SGCE: variants seen among roughly 807,000 people sequenced by gnomAD.
SGCE encodes sarcoglycan epsilon, also known as epsilon-sarcoglycan.
Under a neutral mutation model 57.8 loss-of-function variants are expected in SGCE, and 26 were observed. That is an observed-to-expected ratio of 0.45 (90% CI 0.33 to 0.62). The LOEUF is 0.62. SGCE is among the 20% of genes least tolerant of loss of function. The pLI is 0.02. For missense variants in SGCE, 468 were observed against 548.6 expected, an observed-to-expected ratio of 0.85 and a Z score of 1.47; for synonymous variants, 183 against 189.5, an observed-to-expected ratio of 0.97 and a Z score of 0.28.
chr7:94,628,037 T>C (rs1804012520), intron 3 of SGCE, 165 bp downstream of exon 3: 1 of 575,476 alleles, frequency 1.7e-6, no homozygotes, highest in Admixed American at 2.9e-5. Context: ...CAGAGAAGAA[T>C]GGCACATTTC....
At chr7:94,623,691 A>C in intron 3 of SGCE, 1 of 431,262 alleles carries the variant, frequency 2.3e-6, no homozygotes, top group Admixed American at 4.1e-5. Flanking sequence ...TCATTAGTAA[A>C]TGGATTAACC....
chr7:94,603,489 A>G, intron 5 of SGCE, 37 bp from the exon 6 acceptor site: 4 of 1,597,586 alleles, frequency 2.5e-6, no homozygotes, highest in Non-Finnish European at 3.4e-6. Flanking sequence ...ATCCTTTAAG[A>G]AAATTGAAAA....
chr7:94,585,606 G>C lies in SGCE; in HGVS notation c.1298-91C>G, dbSNP rs1796786390. On this transcript the variant is annotated intron_variant, in intron 10 of 10. Coordinates refer to ENST00000648936, the MANE Select transcript of SGCE (RefSeq NM_003919.3). Reference sequence around the variant, plus strand: ...CAAAGCAAATTATGGCAAGGAGAAAGTTTCCATCTTCTTAATACAATGTAA... The same window carrying C: ...CAAAGCAAATTATGGCAAGGAGAAACTTTCCATCTTCTTAATACAATGTAA... The C allele has an allele frequency of 3.6e-6, 3 of 837,390 alleles. No individual in the cohort carries two copies. In the East Asian group the frequency reaches 7.3e-5, roughly 20 times the overall value. The allele number at this position is 837,390 out of a possible 1,614,324, so 51.9% of individuals were successfully genotyped here.
At chr7:94,647,240 T>C (rs1433254405) in intron 1 of SGCE, among the ~76,000 whole-genome samples, 1 of 152,198 alleles carries the variant, frequency 6.6e-6, no homozygotes, top group African/African-American at 2.4e-5. Flanking sequence ...CTTCATCCTG[T>C]GTGTGGCACC....
chr7:94,625,279 A>G (rs1803513600), intron 3 of SGCE: 1 of 152,066 alleles, frequency 6.6e-6, no homozygotes, highest in African/African-American at 2.4e-5. Context: ...TTAAAATACT[A>G]TACCTGTTAC....
At chr7:94,647,775 C>T (rs1336307360) in intron 1 of SGCE, among the ~76,000 whole-genome samples, 1 of 152,122 alleles carries the variant, frequency 6.6e-6, no homozygotes, top group Non-Finnish European at 1.5e-5. Context: ...TCATATATAC[C>T]GTCCCTCCTT....
intron 1 of SGCE, among the ~76,000 whole-genome samples, chr7:94,647,052 G>A (rs1411997668): frequency 1.3e-5 from 2 of 152,102 alleles, no homozygotes; most frequent in East Asian, 3.9e-4. Flanking sequence ...TGCATAATAT[G>A]ATCACATTTT....
Position 94,600,630 on chromosome 7 carries a change from GT to G in SGCE, c.1037+15del, listed in dbSNP as rs751531508. ...AGCAGGATCTCTAATTATCTTATTA[GT>G]TTTAAAGTACTCACACGCCTTCCCG... On this transcript the variant is annotated intron_variant, in intron 7 of 10. Coordinates refer to ENST00000648936, the MANE Select transcript of SGCE (RefSeq NM_003919.3). 1.3e-5 allele frequency: 21 copies of G among 1,580,924 alleles called. No homozygotes were observed. The highest frequency in any genetic ancestry group is 8.7e-7 in the Non-Finnish European group (1 of 1,150,846).
chr7:94,655,868 C>G, intron 1 of SGCE, 122 bp downstream of exon 1: 1 of 687,664 alleles, frequency 1.5e-6, no homozygotes, highest in African/African-American at 1.8e-5. Context: ...ACGGTGGGGT[C>G]CGGGACAGAA....
chr7:94,606,884 T>C (rs1324067100), intron 5 of SGCE, among the ~76,000 whole-genome samples: 2 of 152,150 alleles, frequency 1.3e-5, no homozygotes, highest in African/African-American at 4.8e-5. Flanking sequence ...AGGAGAAATC[T>C]TGGATGAAAC....
chr7:94,618,258 A>T (rs767429114), intron 5 of SGCE: 18 of 157,238 alleles, frequency 1.1e-4, no homozygotes, highest in Non-Finnish European at 2.1e-4. Context: ...GGGTTTGCCC[A>T]GTGTCACCCA....
chr7:94,588,788 A>G, intron 9 of SGCE, 56 bp from the exon 10 acceptor site: 2 of 1,609,496 alleles, frequency 1.2e-6, no homozygotes, highest in Non-Finnish European at 1.7e-6. Flanking sequence ...TTGTAAACAG[A>G]GAGCAGACAT....
chr7:94,650,258 C>A (rs1055030428), intron 1 of SGCE, among the ~76,000 whole-genome samples: 2 of 152,158 alleles, frequency 1.3e-5, no homozygotes, highest in African/African-American at 4.8e-5. Context: ...GGGGAGGTTG[C>A]AGAAGGGACC....
chr7:94,648,612 C>T (rs949171467), intron 1 of SGCE, among the ~76,000 whole-genome samples: 3 of 152,034 alleles, frequency 2.0e-5, no homozygotes, highest in Non-Finnish European at 2.9e-5. Flanking sequence ...GTTTCTACTT[C>T]GGCAGTACTG....
At chr7:94,634,661 A>G (rs1805309335) in intron 1 of SGCE, among the ~76,000 whole-genome samples, 1 of 152,180 alleles carries the variant, frequency 6.6e-6, no homozygotes, top group Admixed American at 6.5e-5. Flanking sequence ...GGGCTCTGCT[A>G]GATGTAAAAG....
At chr7:94,639,125 T>C (rs1806018757) in intron 1 of SGCE, among the ~76,000 whole-genome samples, 1 of 152,140 alleles carries the variant, frequency 6.6e-6, no homozygotes, top group East Asian at 1.9e-4. Flanking sequence ...AGGGCAAAGC[T>C]ACAGCCAAGG....
chr7:94,600,587 C>T, intron 7 of SGCE, 59 bp downstream of exon 7: 1 of 1,299,124 alleles, frequency 7.7e-7, no homozygotes, highest in Non-Finnish European at 1.1e-6. Flanking sequence ...TTAATGGAAT[C>T]TTCTATGTTG....
chr7:94,621,765 G>A lies in SGCE; in HGVS notation c.463+1560C>T, dbSNP rs547583827. On this transcript the variant is annotated intron_variant, in intron 4 of 10. Transcript: ENST00000648936. The stretch of plus-strand genomic sequence containing the variant: ...TCATTAAGTGTATTCCAATTCTACA[G>A]GGCCAGCTTAGACAGCATGTAAGCA... The A allele has an allele frequency of 5.3e-5, 8 of 152,290 alleles. No individual in the cohort carries two copies. In the East Asian group the frequency reaches 1.5e-3, roughly 29 times the overall value. The allele number at this position is 152,290 out of a possible 1,614,324, so 9.4% of individuals were successfully genotyped here. A position where few individuals can be genotyped will look rare whatever the true frequency, so the allele number is the denominator to read the frequency against.
intron 1 of SGCE, chr7:94,639,460 A>G (rs1353392898): frequency 6.9e-7 from 1 of 1,449,046 alleles, no homozygotes; most frequent in African/African-American, 1.4e-5. Context: ...TTTTCAGAAT[A>G]AAACAAATGT....
Sources: allele counts gnomAD v4.1 joint callset (sites outside exome capture counted in the v4.1 genomes callset), GRCh38; gene constraint gnomAD v4.1.1; transcripts MANE v1.5; gene names NCBI Gene and HGNC (gene_info 2026-07-23, HGNC 2026-07-21).